MAP7: variants seen among roughly 807,000 people sequenced by gnomAD.
MAP7 encodes the protein ensconsin.
In MAP7, 52 loss-of-function variants were observed where a neutral mutation model predicts 94.8. The ratio of observed to expected loss-of-function variants is 0.55; its 90% confidence interval spans 0.44 to 0.69. The LOEUF (loss-of-function observed/expected upper bound fraction) is 0.69, where lower values mean the gene tolerates loss of function less well. MAP7 is among the 30% of genes least tolerant of loss of function. MAP7 has a pLI of 0.00. For synonymous variants in MAP7, 350 were observed against 357.0 expected, an observed-to-expected ratio of 0.98 and a Z score of 0.22; for missense variants, 940 against 964.6, an observed-to-expected ratio of 0.97 and a Z score of 0.34.
chr6:136,423,380 G>T (rs1045991644), intron 1 of MAP7, among the ~76,000 whole-genome samples: 1 of 152,210 alleles, frequency 6.6e-6, no homozygotes, highest in Non-Finnish European at 1.5e-5. Flanking sequence ...CCACAGCAAG[G>T]CACGATAAAT....
chr6:136,526,032 A>T (rs1827755711), intron 1 of MAP7: 6 of 1,456,344 alleles, frequency 4.1e-6, no homozygotes, highest in Non-Finnish European at 5.4e-6. Flanking sequence ...ATGTAATTGC[A>T]GCTCCCAGGA....
intron 1 of MAP7, among the ~76,000 whole-genome samples, chr6:136,527,757 C>G (rs1828112545): frequency 6.6e-6 from 1 of 152,030 alleles, no homozygotes; most frequent in Admixed American, 6.6e-5. Context: ...TCAATGCTAC[C>G]AGGAAGTACT....
intron 1 of MAP7, among the ~76,000 whole-genome samples, chr6:136,499,831 T>C (rs1324471979): frequency 6.6e-6 from 1 of 151,948 alleles, no homozygotes; most frequent in Non-Finnish European, 1.5e-5. Flanking sequence ...AGCTCTCATC[T>C]CTACAAAAAT....
intron 5 of MAP7, among the ~76,000 whole-genome samples, chr6:136,384,055 C>T (rs1407838491): frequency 6.6e-6 from 1 of 152,106 alleles, no homozygotes; most frequent in Non-Finnish European, 1.5e-5. Flanking sequence ...AAAGGAAGGC[C>T]AGTGAAGGGC....
At chr6:136,506,387 T>G (rs1378018263) in intron 1 of MAP7, among the ~76,000 whole-genome samples, 1 of 152,062 alleles carries the variant, frequency 6.6e-6, no homozygotes, top group East Asian at 1.9e-4. Context: ...CACTTGAAAG[T>G]CACCTGTAGG....
In MAP7 at chr6:136,550,150, G is replaced by T. The variant is rs1246716800; in HGVS notation, c.67+192C>A. ...GCCGGGGCCGAGCCGGGCTGGCCGA[G>T]CCGCGGCGGCGAAGGGCGGGGGAAG... On this transcript the variant is annotated intron_variant, in intron 1 of 17. Transcript: ENST00000354570. The surrounding 1 kb of genome is among the most constrained non-coding windows in gnomAD (Gnocchi z 5.1). Among the ~76,000 whole-genome samples the T allele has an allele frequency of 2.0e-5, 3 of 150,946 alleles. No individual in the cohort carries two copies. The highest frequency in any genetic ancestry group is 3.0e-5 in the Non-Finnish European group (2 of 67,648).
chr6:136,494,431 G>A (rs1013864630), intron 1 of MAP7, among the ~76,000 whole-genome samples: 1 of 151,954 alleles, frequency 6.6e-6, no homozygotes, highest in Non-Finnish European at 1.5e-5. Flanking sequence ...TGGTTTTCTG[G>A]GGAGAAATCT....
Position 136,464,039 on chromosome 6 carries a change from G to A in MAP7, c.68-42240C>T, listed in dbSNP as rs57331300. Among the ~76,000 whole-genome samples, 764 of 152,292 alleles carry A rather than the reference G, an allele frequency of 5.0e-3. 4 individuals are homozygous for A. The highest frequency in any genetic ancestry group is 0.039 in the East Asian group (204 of 5,192). On this transcript the variant is annotated intron_variant, in intron 1 of 17. Transcript: ENST00000354570. ...CCCTCCTGCAGTGGCTGAGCAGAAC[G>A]TTGGCCTCACCCAGGCTTCAGACAA...
At chr6:136,529,430 C>G (rs899468830) in intron 1 of MAP7, among the ~76,000 whole-genome samples, 2 of 152,124 alleles carry the variant, frequency 1.3e-5, no homozygotes. Context: ...CTCCTGAACT[C>G]TTCTCCAGCA....
At position 136,473,617 on chromosome 6, in the gene MAP7, T is replaced by C. The variant is rs190955602; in HGVS notation, c.68-51818A>G. On this transcript the variant is annotated intron_variant, in intron 1 of 17. Coordinates refer to ENST00000354570, the MANE Select transcript of MAP7 (RefSeq NM_003980.6). ...ATTGAATCATAGGGAAGCACTAACT[T>C]ATGTAGCAGATTCCCAAAATTAGAC... 2.6e-5 allele frequency among the ~76,000 whole-genome samples: 4 copies of C among 152,304 alleles called. No individual in the cohort carries two copies. In the East Asian group the frequency reaches 7.7e-4, roughly 29 times the overall value.
At chr6:136,500,066 C>T (rs143461001) in intron 1 of MAP7, among the ~76,000 whole-genome samples, 2 of 152,314 alleles carry the variant, frequency 1.3e-5, no homozygotes, top group Non-Finnish European at 2.9e-5. Flanking sequence ...CTAGTTCAGA[C>T]TCCAGCACTT....
chr6:136,439,129 C>A (rs1797151834), intron 1 of MAP7, among the ~76,000 whole-genome samples: 1 of 152,176 alleles, frequency 6.6e-6, no homozygotes, highest in African/African-American at 2.4e-5. Context: ...ATGTATGTAT[C>A]AAACCAAAAT....
At chr6:136,525,685 T>C in intron 1 of MAP7, 1 of 747,636 alleles carries the variant, frequency 1.3e-6, no homozygotes, top group South Asian at 2.1e-5. Flanking sequence ...CTACAGAGGG[T>C]ATAAACACTA....
At position 136,427,909 on chromosome 6, in the gene MAP7, A is replaced by T. The variant is rs140225794; in HGVS notation, c.68-6110T>A. On this transcript the variant is annotated intron_variant, in intron 1 of 17. Transcript: ENST00000354570. ...TCTCCATCTCGTCATAATGGAAAAA[A>T]CCTTAAGATGTATGACCATGATAGA... 1.0e-3 allele frequency among the ~76,000 whole-genome samples: 154 copies of T among 152,320 alleles called. 1 individual carries two copies. Among genetic ancestry groups the T allele is most frequent in the African/African-American group, 3.6e-3 (148 of 41,574 alleles).
intron 1 of MAP7, among the ~76,000 whole-genome samples, chr6:136,453,826 G>A (rs1218887063): frequency 6.6e-6 from 1 of 152,184 alleles, no homozygotes; most frequent in African/African-American, 2.4e-5. Flanking sequence ...CTGAGTGCTT[G>A]CTTGGACACT....
At chr6:136,461,583 G>T (rs1053575338) in intron 1 of MAP7, among the ~76,000 whole-genome samples, 10 of 152,040 alleles carry the variant, frequency 6.6e-5, no homozygotes, top group Non-Finnish European at 1.3e-4. Flanking sequence ...TGAGTTTATT[G>T]TCTGTGATAT....
intron 10 of MAP7, chr6:136,364,183 T>G (rs1793626131): frequency 2.0e-6 from 1 of 508,522 alleles, no homozygotes; most frequent in Admixed American, 2.1e-5. Context: ...GCCCTCATTC[T>G]GCATGAGGGT....
At chr6:136,494,984 A>G (rs1817759110) in intron 1 of MAP7, among the ~76,000 whole-genome samples, 1 of 152,184 alleles carries the variant, frequency 6.6e-6, no homozygotes, top group South Asian at 2.1e-4. Context: ...TCATTTTATA[A>G]CACTAAGGTC....
At chr6:136,512,202 T>C (rs9373167) in intron 1 of MAP7, among the ~76,000 whole-genome samples, 20,706 of 152,220 alleles carry the variant, frequency 0.14, 3,257 homozygotes, top group African/African-American at 0.37. Flanking sequence ...ATTCTCTGGC[T>C]GGCAGGGCCA....
Sources: allele counts gnomAD v4.1 joint callset (sites outside exome capture counted in the v4.1 genomes callset), GRCh38; gene constraint gnomAD v4.1.1; non-coding constraint Gnocchi (gnomAD v3.1); transcripts MANE v1.5; gene names NCBI Gene and HGNC (gene_info 2026-07-23, HGNC 2026-07-21).